RARB: variants seen among roughly 807,000 people sequenced by gnomAD.
RARB encodes the protein HBV-activated protein.
Under a neutral mutation model 51.9 loss-of-function variants are expected in RARB, and 17 were observed. That is an observed-to-expected ratio of 0.33 (90% CI 0.22 to 0.49). The LOEUF (loss-of-function observed/expected upper bound fraction) is 0.49. Among genes scored for constraint, RARB ranks in the 20% least tolerant of loss-of-function variants. The pLI is 0.99. For synonymous variants in RARB, 215 were observed against 195.4 expected (o/e 1.10, Z -0.84); for missense variants, 369 against 550.8 (o/e 0.67, Z 3.30).
At chr3:25,532,403 G>A (rs1164247739) in intron 3 of RARB, among the ~76,000 whole-genome samples, 2 of 152,174 alleles carry the variant, frequency 1.3e-5, no homozygotes, top group Non-Finnish European at 2.9e-5. Context: ...TAACAGCAGA[G>A]GGGCAGGAGA....
chr3:25,181,412 C>T (rs1446268937), intron 5 of RARB, among the ~76,000 whole-genome samples: 3 of 152,148 alleles, frequency 2.0e-5, no homozygotes, highest in African/African-American at 7.2e-5. Flanking sequence ...AAACCCATTT[C>T]ATCTTTGCGG....
intron 3 of RARB, among the ~76,000 whole-genome samples, chr3:25,077,001 G>A (rs895244272): frequency 1.3e-5 from 2 of 152,162 alleles, no homozygotes; most frequent in Non-Finnish European, 2.9e-5. Flanking sequence ...CAGTCTTTCA[G>A]ATTTGTGTGG....
At chr3:25,271,674 C>T (rs902467136) in intron 5 of RARB, among the ~76,000 whole-genome samples, 1 of 152,132 alleles carries the variant, frequency 6.6e-6, no homozygotes. Context: ...AACTCATTCT[C>T]ATCAGAAACT....
At chr3:24,944,224 A>C (rs1288070411) in intron 2 of RARB, among the ~76,000 whole-genome samples, 1 of 152,094 alleles carries the variant, frequency 6.6e-6, no homozygotes, top group Non-Finnish European at 1.5e-5. Context: ...CTTGAGGTTT[A>C]TCTGTCTGGC....
In RARB at chr3:25,049,735, G is replaced by A. The variant is rs114216843; in HGVS notation, c.-379-10390G>A. Among the ~76,000 whole-genome samples, 689 of 152,320 alleles carry A rather than the reference G, an allele frequency of 4.5e-3. 6 individuals are homozygous for A. Among genetic ancestry groups the A allele is most frequent in the African/African-American group, 0.016 (652 of 41,570 alleles). The stretch of plus-strand genomic sequence containing the variant: ...TAGCTCAGCATCTTCACATTTGTTT[G>A]AAGATACAACTAATCCAAACTGATG... On this transcript the variant is annotated intron_variant, in intron 2 of 11. Coordinates refer to the RARB transcript ENST00000383772.
At chr3:25,465,846 CAAAAT>C (rs1180133802) in intron 2 of RARB, among the ~76,000 whole-genome samples, 2 of 152,048 alleles carry the variant, frequency 1.3e-5, no homozygotes, top group Admixed American at 1.3e-4. Flanking sequence ...AATAATAGGA[CAAAAT>C]AAAATAATGT....
At chr3:25,294,002 C>G (rs1703855319) in intron 5 of RARB, among the ~76,000 whole-genome samples, 1 of 152,100 alleles carries the variant, frequency 6.6e-6, no homozygotes, top group Admixed American at 6.6e-5. Context: ...TAGCTTCAGC[C>G]CAAGTATCAC....
At chr3:25,064,932 C>A (rs1412141102) in intron 3 of RARB, among the ~76,000 whole-genome samples, 1 of 152,126 alleles carries the variant, frequency 6.6e-6, no homozygotes. Flanking sequence ...GATGCAAATG[C>A]CCTACACTAA....
At chr3:25,539,285 C>G (rs1286772) in intron 3 of RARB, among the ~76,000 whole-genome samples, 105,698 of 152,094 alleles carry the variant, frequency 0.69, 38,405 homozygotes, top group African/African-American at 0.92. Flanking sequence ...TCTATTTGAG[C>G]GAAGCAGGGA....
intron 1 of RARB, among the ~76,000 whole-genome samples, chr3:25,460,749 C>T (rs1220578355): frequency 6.6e-6 from 1 of 152,082 alleles, no homozygotes; most frequent in Non-Finnish European, 1.5e-5. Flanking sequence ...AGAAAATTTA[C>T]TTTTGGTTAA....
intron 1 of RARB, among the ~76,000 whole-genome samples, chr3:24,852,978 A>T (rs1427303349): frequency 6.6e-6 from 1 of 152,128 alleles, no homozygotes; most frequent in African/African-American, 2.4e-5. Context: ...TATGCTGGTG[A>T]ATTGTATGGT....
chr3:25,359,462 TTCTCTG>T (rs1315002292), intron 5 of RARB, among the ~76,000 whole-genome samples: 1 of 152,122 alleles, frequency 6.6e-6, no homozygotes, highest in African/African-American at 2.4e-5. Context: ...GGTTTTTCAA[TTCTCTG>T]TCTCTTTCAG....
chr3:25,119,846 T>C (rs1699751000), intron 3 of RARB, among the ~76,000 whole-genome samples: 1 of 152,110 alleles, frequency 6.6e-6, no homozygotes, highest in Non-Finnish European at 1.5e-5. Flanking sequence ...GAAAAATGAA[T>C]GGGCATTTGC....
intron 1 of RARB, among the ~76,000 whole-genome samples, chr3:25,449,865 C>A (rs1367540787): frequency 1.3e-5 from 2 of 152,002 alleles, no homozygotes; most frequent in African/African-American, 4.8e-5. Flanking sequence ...AATTCTCCTG[C>A]CCCAGCCTCC....
At chr3:25,293,611 A>AAAAAAAAAAAAAAAC (rs1703844233) in intron 5 of RARB, among the ~76,000 whole-genome samples, 1 of 150,116 alleles carries the variant, frequency 6.7e-6, no homozygotes, top group Admixed American at 6.7e-5. Flanking sequence ...AAAAAAAAAA[A>AAAAAAAAAAAAAAAC]AAAAAAAGTT....
intron 3 of RARB, among the ~76,000 whole-genome samples, chr3:25,566,542 C>T (rs1239491667): frequency 1.3e-5 from 2 of 152,220 alleles, no homozygotes; most frequent in African/African-American, 2.4e-5. Flanking sequence ...CTGCACAACC[C>T]AACAGAGATG....
At chr3:24,865,673 C>G (rs1302126004) in intron 2 of RARB, among the ~76,000 whole-genome samples, 3 of 152,114 alleles carry the variant, frequency 2.0e-5, no homozygotes, top group Non-Finnish European at 4.4e-5. Flanking sequence ...TTTTTCTATG[C>G]TAATAGTTCT....
At chr3:25,219,760 T>A (rs1378661389) in intron 5 of RARB, among the ~76,000 whole-genome samples, 1 of 152,200 alleles carries the variant, frequency 6.6e-6, no homozygotes, top group African/African-American at 2.4e-5. Context: ...CCGTTAGATT[T>A]GTCAAAGAAC....
chr3:25,249,391 T>C (rs1702648384), intron 5 of RARB, among the ~76,000 whole-genome samples: 1 of 152,186 alleles, frequency 6.6e-6, no homozygotes, highest in African/African-American at 2.4e-5. Context: ...CACTGAACTT[T>C]TTAATATCAT....
Sources: allele counts gnomAD v4.1 joint callset (sites outside exome capture counted in the v4.1 genomes callset), GRCh38; gene constraint gnomAD v4.1.1; transcripts MANE v1.5; gene names NCBI Gene and HGNC (gene_info 2026-07-23, HGNC 2026-07-21).